CSMD1: variants seen among roughly 807,000 people sequenced by gnomAD.
CSMD1 encodes the protein CUB and sushi domain-containing protein 1.
In CSMD1, 213 loss-of-function variants were observed where a neutral mutation model predicts 417.5. The observed-to-expected ratio is 0.51, with a 90% confidence interval of 0.46 to 0.57. CSMD1 has a LOEUF of 0.57. Ranked by LOEUF, CSMD1 falls within the 20% of genes least tolerant of loss-of-function variation. CSMD1 has a pLI of 0.00. For synonymous variants in CSMD1, 2,862 were observed against 1,736.8 expected (o/e 1.65, Z -16.11); for missense variants, 6,923 against 4,529.7 (o/e 1.53, Z -15.17).
At chr8:4,606,785 G>C (rs1478271) in intron 2 of CSMD1, among the ~76,000 whole-genome samples, 1 of 151,896 alleles carries the variant, frequency 6.6e-6, no homozygotes, top group East Asian at 1.9e-4. Flanking sequence ...TTGACATAAA[G>C]GGGAGTATCA....
chr8:4,147,060 C>T (rs1804181695), intron 3 of CSMD1, among the ~76,000 whole-genome samples: 1 of 151,912 alleles, frequency 6.6e-6, no homozygotes, highest in Non-Finnish European at 1.5e-5. Flanking sequence ...CTTCACCCTC[C>T]TGCCCTAACT....
At chr8:4,051,777 G>C (rs1351580791) in intron 3 of CSMD1, among the ~76,000 whole-genome samples, 2 of 152,176 alleles carry the variant, frequency 1.3e-5, no homozygotes, top group Non-Finnish European at 2.9e-5. Flanking sequence ...GGCTCCCAGT[G>C]TCCCAGGTGT....
chr8:3,211,877 C>T (rs541868752), intron 30 of CSMD1, among the ~76,000 whole-genome samples: 23 of 152,278 alleles, frequency 1.5e-4, no homozygotes, highest in Admixed American at 9.2e-4. Context: ...CTGCCCAGGC[C>T]GCTCAGGATA....
intron 26 of CSMD1, among the ~76,000 whole-genome samples, chr8:3,281,503 C>A (rs1584923077): frequency 6.6e-6 from 1 of 152,018 alleles, no homozygotes; most frequent in Non-Finnish European, 1.5e-5. Context: ...TTATTCGCTG[C>A]TAAAAAGAAA....
chr8:4,482,070 T>A (rs577729722), intron 2 of CSMD1, among the ~76,000 whole-genome samples: 1 of 152,204 alleles, frequency 6.6e-6, no homozygotes, highest in African/African-American at 2.4e-5. Flanking sequence ...TACAAAATCA[T>A]TGATACAAAG....
At chr8:4,648,388 G>A (rs559557468) in intron 1 of CSMD1, among the ~76,000 whole-genome samples, 1 of 152,202 alleles carries the variant, frequency 6.6e-6, no homozygotes, top group South Asian at 2.1e-4. Flanking sequence ...CTGTCACCAA[G>A]TGGCCCCTAA....
At chr8:4,376,294 G>C (rs59229199) in intron 3 of CSMD1, among the ~76,000 whole-genome samples, 11,708 of 152,234 alleles carry the variant, frequency 0.077, 575 homozygotes, top group South Asian at 0.12. Flanking sequence ...GGCCATTGTA[G>C]AAAATTTAGA....
At chr8:3,963,454 G>T (rs1223406726) in intron 5 of CSMD1, among the ~76,000 whole-genome samples, 2 of 152,078 alleles carry the variant, frequency 1.3e-5, no homozygotes, top group Admixed American at 6.5e-5. Context: ...CCAACTTAAG[G>T]TGAATGAATG....
At chr8:4,306,660 G>A (rs1371655109) in intron 3 of CSMD1, among the ~76,000 whole-genome samples, 1 of 152,012 alleles carries the variant, frequency 6.6e-6, no homozygotes, top group Non-Finnish European at 1.5e-5. Context: ...TCGATCACAT[G>A]TAGGTGATTG....
chr8:4,336,323 C>G (rs996391419), intron 3 of CSMD1, among the ~76,000 whole-genome samples: 1 of 152,064 alleles, frequency 6.6e-6, no homozygotes, highest in African/African-American at 2.4e-5. Context: ...TGTAGAAAGG[C>G]ACATTTTTAG....
chr8:2,949,407 G>GAAAAGAAAAT (rs2128918303), intron 67 of CSMD1, 21 bp from the exon 68 acceptor site: 1 of 1,311,344 alleles, frequency 7.6e-7, no homozygotes, highest in Non-Finnish European at 1.1e-6. Context: ...GGAAAGAAAA[G>GAAAAGAAAAT]AAAAGAAATA....
intron 2 of CSMD1, among the ~76,000 whole-genome samples, chr8:4,472,442 T>C (rs1486798650): frequency 6.6e-6 from 1 of 152,136 alleles, no homozygotes; most frequent in East Asian, 1.9e-4. Flanking sequence ...TTTATAGACA[T>C]ATATTTAAGG....
intron 11 of CSMD1, among the ~76,000 whole-genome samples, chr8:3,480,720 T>C (rs2117241606): frequency 6.6e-6 from 1 of 152,220 alleles, no homozygotes; most frequent in African/African-American, 2.4e-5. Context: ...ACTACTTCAA[T>C]GACAATGATT....
At chr8:3,452,753 A>C (rs1030804136) in intron 12 of CSMD1, among the ~76,000 whole-genome samples, 5 of 152,186 alleles carry the variant, frequency 3.3e-5, no homozygotes, top group Admixed American at 2.0e-4. Flanking sequence ...ATCGATGTTC[A>C]TCAGGGATAT....
At chr8:3,888,187 C>G (rs775813835) in intron 5 of CSMD1, among the ~76,000 whole-genome samples, 1 of 152,126 alleles carries the variant, frequency 6.6e-6, no homozygotes, top group Non-Finnish European at 1.5e-5. Context: ...TATAACATAC[C>G]TGACCTAAAA....
chr8:3,753,564 T>G (rs1797477283), intron 6 of CSMD1, among the ~76,000 whole-genome samples: 1 of 152,204 alleles, frequency 6.6e-6, no homozygotes, highest in South Asian at 2.1e-4. Flanking sequence ...TTGTGCATTT[T>G]CATGCAACCT....
chr8:3,356,491 A>C (rs936825934), intron 21 of CSMD1, among the ~76,000 whole-genome samples: 1 of 152,186 alleles, frequency 6.6e-6, no homozygotes, highest in Non-Finnish European at 1.5e-5. Context: ...CCTGGTCAAC[A>C]TGGTGAAACC....
At chr8:3,421,116 A>G (rs1050547887) in intron 12 of CSMD1, among the ~76,000 whole-genome samples, 6 of 152,368 alleles carry the variant, frequency 3.9e-5, no homozygotes, top group African/African-American at 1.4e-4. Flanking sequence ...TCAGTATGAA[A>G]AAATGAAAAT....
At chr8:4,554,851 C>T (rs375438310) in intron 2 of CSMD1, among the ~76,000 whole-genome samples, 9 of 152,232 alleles carry the variant, frequency 5.9e-5, no homozygotes, top group Non-Finnish European at 8.8e-5. Context: ...GGGTTAAAAG[C>T]TGAAGATAAA....
Sources: allele counts gnomAD v4.1 joint callset (sites outside exome capture counted in the v4.1 genomes callset), GRCh38; gene constraint gnomAD v4.1.1; transcripts MANE v1.5; gene names NCBI Gene and HGNC (gene_info 2026-07-23, HGNC 2026-07-21).